GLYCTK: variants seen among roughly 807,000 people sequenced by gnomAD.
The protein encoded by GLYCTK is HBeAg binding protein 4.
Under a neutral mutation model 24.8 loss-of-function variants are expected in GLYCTK, and 22 were observed. The observed-to-expected ratio is 0.89, with a 90% confidence interval of 0.63 to 1.27. The LOEUF is 1.27. Among genes scored for constraint, GLYCTK ranks in the 50% most tolerant of loss-of-function variants. The pLI is 0.00. For synonymous variants in GLYCTK, 320 were observed against 297.2 expected, an observed-to-expected ratio of 1.08 and a Z score of -0.79; for missense variants, 684 against 686.7, an observed-to-expected ratio of 1.00 and a Z score of 0.04.
chr3:52,290,629 C>T lies in GLYCTK; in HGVS notation c.287C>T (p.Ala96Val), dbSNP rs771236936. 2.5e-6 allele frequency: 4 copies of T among 1,613,480 alleles called. No individual in the cohort carries two copies. Among genetic ancestry groups the T allele is most frequent in the Middle Eastern group, 1.6e-4 (1 of 6,084 alleles). Residue 96 changes from alanine (A) to valine (V), a missense_variant, in exon 2 of 5, where the codon GCA becomes GTA. By Grantham distance (64) the Ala-to-Val change is moderately conservative. Coordinates refer to ENST00000436784, the MANE Select transcript of GLYCTK (RefSeq NM_145262.4). The part of the protein sequence containing the change: ...FGKAVLGMAA[A>V]AEELLGQHLV... ...AAGGCTGTGCTGGGTATGGCAGCTG[C>T]AGCTGAGGAACTACTGGGCCAGCAT...
intron 2 of GLYCTK, 65 bp from the exon 3 acceptor site, chr3:52,290,895 T>A: frequency 3.7e-6 from 6 of 1,604,568 alleles, no homozygotes; most frequent in Non-Finnish European, 5.1e-6. Context: ...CCTGTAAAGT[T>A]GAGAGATCAG....
In GLYCTK at chr3:52,292,742, A is replaced by G; in HGVS notation, c.1188A>G (p.Ala396=). Residue 396 remains alanine, a synonymous_variant, in exon 5 of 5, where the codon GCA becomes GCG. Coordinates refer to ENST00000436784, the MANE Select transcript of GLYCTK (RefSeq NM_145262.4). The stretch of plus-strand genomic sequence containing the variant: ...TGGAGGAGGCTCTGGAGACCATGGC[A>G]TGGGGAAGGGGCCCAGTCTGCCTGC... ...LQLEEALETM[A]WGRGPVCLLA... is the part of the protein sequence containing the mutation. 1 of 1,608,646 alleles carries G rather than the reference A, an allele frequency of 6.2e-7. No homozygotes were observed. Among genetic ancestry groups the G allele is most frequent in the South Asian group, 1.1e-5 (1 of 90,740 alleles).
chr3:52,293,225 C>A lies in GLYCTK; in HGVS notation c.*99C>A. On this transcript the variant is annotated 3_prime_UTR_variant, in exon 5 of 5. Coordinates refer to ENST00000436784, the MANE Select transcript of GLYCTK (RefSeq NM_145262.4). ...CTCAGGGCCTCTCTAAGCCTTAGGGCCCCTCCTCTCCTTGGCCTTGGCTGT... is the reference window on the plus strand; with the variant it reads ...CTCAGGGCCTCTCTAAGCCTTAGGGACCCTCCTCTCCTTGGCCTTGGCTGT... The A allele has an allele frequency of 8.2e-7, 1 of 1,220,890 alleles. No individual in the cohort carries two copies. The highest frequency in any genetic ancestry group is 1.2e-6 in the Non-Finnish European group (1 of 845,034). 75.6% of individuals were successfully genotyped at this position (1,220,890 alleles called of 1,614,324 possible).
In GLYCTK at chr3:52,292,325, C is replaced by T. The variant is rs746811143; in HGVS notation, c.771C>T (p.Thr257=). 16 of 1,613,814 alleles carry T rather than the reference C, an allele frequency of 9.9e-6. No individual in the cohort carries two copies. Among genetic ancestry groups the T allele is most frequent in the South Asian group, 2.2e-5 (2 of 91,080 alleles). The part of the protein sequence containing the change: ...DPVEVIASGP[T]VASSHNVQDC... ...TGGAGGTGATTGCCAGTGGCCCCAC[C>T]GTGGCCAGTTCCCACAATGTGCAAG... The change falls in exon 5 of 5, where the codon ACC becomes ACT. Residue 257 remains threonine (T), a synonymous_variant. Transcript: ENST00000436784.
In GLYCTK at chr3:52,291,059, G is replaced by T; in HGVS notation, c.477G>T (p.Gln159His). 6.2e-7 allele frequency: 1 copy of T among 1,613,418 alleles called. No individual in the cohort carries two copies. The highest frequency in any genetic ancestry group is 8.5e-7 in the Non-Finnish European group (1 of 1,180,028). ...RDALRAALAI[Q>H]QLAEGLTADD... ...CGCTGCGGGCTGCACTGGCCATCCA[G>T]CAACTGGCTGAGGGACTCACAGCTG... Residue 159 changes from glutamine to histidine, a missense_variant, in exon 3 of 5, where the codon CAG becomes CAT. Physicochemically the swap from Gln to His is conservative, Grantham distance 24. Transcript: ENST00000436784.
intron 4 of GLYCTK, 122 bp downstream of exon 4, chr3:52,292,044 C>A: frequency 1.7e-6 from 2 of 1,183,376 alleles, no homozygotes; most frequent in Non-Finnish European, 2.4e-6. Flanking sequence ...GACCATGGGG[C>A]CGGCTGGGTG....
chr3:52,291,346 T>C (rs915546640), intron 3 of GLYCTK: 1 of 604,198 alleles, frequency 1.7e-6, no homozygotes, highest in African/African-American at 1.9e-5. Flanking sequence ...AGAGGGTGCA[T>C]GGGGAGCACA....
chr3:52,293,067 A>G lies in GLYCTK; in HGVS notation c.1513A>G (p.Thr505Ala), dbSNP rs747943703. ...CCAGGGTGGGGCACACCTGCTGCAC[A>G]CAGGGATGACAGGTACCAATGTCAT... is the stretch of plus-strand genomic sequence containing the variant. ...CLQGGAHLLH[T>A]GMTGTNVMDT... Residue 505 changes from threonine (T) to alanine (A), a missense_variant, in exon 5 of 5, where the codon ACA (threonine) becomes GCA (alanine). By Grantham distance (58) the Thr-to-Ala change is moderately conservative. Transcript: ENST00000436784. The G allele has an allele frequency of 2.5e-6, 4 of 1,614,096 alleles. No individual in the cohort carries two copies. The Admixed American group carries it at 5.0e-5, about 20-fold the overall frequency.
intron 4 of GLYCTK, 123 bp downstream of exon 4, chr3:52,292,045 C>T (rs1296748485): frequency 9.4e-6 from 11 of 1,176,182 alleles, no homozygotes; most frequent in East Asian, 2.4e-5. Context: ...ACCATGGGGC[C>T]GGCTGGGTGA....
Position 52,294,506 on chromosome 3 carries a change from G to C in GLYCTK, c.*1380G>C. On this transcript the variant is annotated 3_prime_UTR_variant, in exon 5 of 5. Coordinates refer to ENST00000436784, the MANE Select transcript of GLYCTK (RefSeq NM_145262.4). The stretch of plus-strand genomic sequence containing the variant: ...ACACAGGGCAGGCTGGAGATTGGGA[G>C]GGAGGTAAACGTGGTAAGCGGGCTC... 1 of 387,322 alleles carries C rather than the reference G, an allele frequency of 2.6e-6. No homozygotes were observed. The highest frequency in any genetic ancestry group is 5.1e-6 in the Non-Finnish European group (1 of 195,084). The allele number at this position is 387,322 out of a possible 1,614,324, so 24.0% of individuals were successfully genotyped here. A position where few individuals can be genotyped will look rare whatever the true frequency, so the allele number is the denominator to read the frequency against.
intron 4 of GLYCTK, 57 bp from the exon 5 acceptor site, chr3:52,292,203 T>G: frequency 6.2e-7 from 1 of 1,608,918 alleles, no homozygotes; most frequent in Non-Finnish European, 8.5e-7. Flanking sequence ...TTTGTCCTTA[T>G]GGGCTCTGAG....
In GLYCTK at chr3:52,292,503, G is replaced by A. The variant is rs1295460519; in HGVS notation, c.949G>A (p.Ala317Thr). The A allele has an allele frequency of 1.2e-6, 2 of 1,613,690 alleles. No homozygotes were observed. Among genetic ancestry groups the A allele is most frequent in the African/African-American group, 1.3e-5 (1 of 75,072 alleles). Residue 317 changes from alanine (A) to threonine (T), a missense_variant, in exon 5 of 5, where the codon GCT (alanine) becomes ACT (threonine). Physicochemically the swap from Ala to Thr is moderately conservative, Grantham distance 58 (BLOSUM62 0). Coordinates refer to ENST00000436784, the MANE Select transcript of GLYCTK (RefSeq NM_145262.4). ...VIIGSNVLAL[A>T]EAQRQAEALG... Reference sequence around the variant, plus strand: ...CATTGGCTCTAATGTGCTGGCGCTAGCTGAGGCCCAGCGGCAGGCCGAGGC... The same window carrying A: ...CATTGGCTCTAATGTGCTGGCGCTAACTGAGGCCCAGCGGCAGGCCGAGGC...
Position 52,294,868 on chromosome 3 carries a change from G to A in GLYCTK, c.*1742G>A, listed in dbSNP as rs1700591108. 2.2e-6 allele frequency: 1 copy of A among 454,110 alleles called. No individual in the cohort carries two copies. Among genetic ancestry groups the A allele is most frequent in the South Asian group, 1.6e-5 (1 of 64,476 alleles). The allele number at this position is 454,110 out of a possible 1,614,324, so 28.1% of individuals were successfully genotyped here. On this transcript the variant is annotated 3_prime_UTR_variant, in exon 5 of 5. Coordinates refer to ENST00000436784, the MANE Select transcript of GLYCTK (RefSeq NM_145262.4). ...GTGTGTGTGTGGGTGGTAGGTGTGTGAGTATACAGACGTTGGTGTTGGCGT... is the reference window on the plus strand; with the variant it reads ...GTGTGTGTGTGGGTGGTAGGTGTGTAAGTATACAGACGTTGGTGTTGGCGT...
chr3:52,292,597 A>G lies in GLYCTK; in HGVS notation c.1043A>G (p.Tyr348Cys). ...GATGTAAAAAGTATGGCCCAGTTCT[A>G]CGGGCTGCTGGCCCATGTGGCTAGA... is the stretch of plus-strand genomic sequence containing the variant. ...QGDVKSMAQF[Y>C]GLLAHVARTR... Residue 348 changes from tyrosine (Y) to cysteine (C), a missense_variant, in exon 5 of 5, where the codon TAC becomes TGC. By Grantham distance (194) the Tyr-to-Cys change is radical. Coordinates refer to ENST00000436784, the MANE Select transcript of GLYCTK (RefSeq NM_145262.4). The G allele has an allele frequency of 6.2e-7, 1 of 1,613,768 alleles. No homozygotes were observed.
Position 52,291,094 on chromosome 3 carries a change from T to A in GLYCTK, c.512T>A (p.Leu171Gln), listed in dbSNP as rs750631413. 2 of 1,611,602 alleles carry A rather than the reference T, an allele frequency of 1.2e-6. No homozygotes were observed. The highest frequency in any genetic ancestry group is 2.2e-5 in the South Asian group (2 of 91,090). Residue 171 changes from leucine (L) to glutamine (Q), a missense_variant, in exon 3 of 5, where the codon CTG (leucine) becomes CAG (glutamine). Transcript: ENST00000436784. ...LAEGLTADDL[L>Q]LVLISGGGSA... ...GAGGGACTCACAGCTGATGACCTGC[T>A]GCTCGTGCTGATCTCAGGTGTGGTA...
Position 52,290,503 on chromosome 3 carries a change from T to G in GLYCTK, c.161T>G (p.Met54Arg), listed in dbSNP as rs749342597. The stretch of plus-strand genomic sequence containing the variant: ...GTAGGTGCAGTGCTGCCGGGCCCCA[T>G]GCTGCACCGGGCACTATCCTTGGAC... ...SAVGAVLPGP[M>R]LHRALSLDPG... The change falls in exon 2 of 5, where the codon ATG (methionine) becomes AGG (arginine). Residue 54 changes from methionine (M) to arginine (R), a missense_variant. By Grantham distance (91) the Met-to-Arg change is moderately conservative (BLOSUM62 -1). Transcript: ENST00000436784. 6.2e-7 allele frequency: 1 copy of G among 1,613,458 alleles called. No homozygotes were observed. Among genetic ancestry groups the G allele is most frequent in the South Asian group, 1.1e-5 (1 of 91,082 alleles).
Position 52,295,005 on chromosome 3 carries a change from T to G in GLYCTK, c.*1879T>G, listed in dbSNP as rs570863340. On this transcript the variant is annotated 3_prime_UTR_variant, in exon 5 of 5. Transcript: ENST00000436784. ...GGTATGGATAGGATCTTGCAGGAGG[T>G]TCCCCCTGCTCTACATTGACCCCTT... The G allele has an allele frequency of 4.4e-6, 2 of 453,848 alleles. No individual in the cohort carries two copies. Among genetic ancestry groups the G allele is most frequent in the African/African-American group, 4.0e-5 (2 of 49,964 alleles). The allele number at this position is 453,848 out of a possible 1,614,324, so 28.1% of individuals were successfully genotyped here.
At position 52,292,887 on chromosome 3, in the gene GLYCTK, C is replaced by G; in HGVS notation, c.1333C>G (p.Leu445Val). 9 of 1,614,066 alleles carry G rather than the reference C, an allele frequency of 5.6e-6. No individual in the cohort carries two copies. Among genetic ancestry groups the G allele is most frequent in the Non-Finnish European group, 7.6e-6 (9 of 1,180,018 alleles). The change falls in exon 5 of 5, where the codon CTG becomes GTG. Residue 445 changes from leucine (L) to valine (V), a missense_variant. Leu to Val is a conservative substitution (Grantham distance 32). Coordinates refer to ENST00000436784, the MANE Select transcript of GLYCTK (RefSeq NM_145262.4). ...GTGGCCGCTGGGGCCGATAGATGTG[C>G]TGTTTTTGAGCGGTGGCACCGATGG... is the stretch of plus-strand genomic sequence containing the variant. ...RRWPLGPIDV[L>V]FLSGGTDGQD... is the part of the protein sequence containing the mutation.
Position 52,292,914 on chromosome 3 carries a change from C to T in GLYCTK, c.1360C>T (p.Gln454Ter). 6.2e-7 allele frequency: 1 copy of T among 1,614,040 alleles called. No homozygotes were observed. Among genetic ancestry groups the T allele is most frequent in the South Asian group, 1.1e-5 (1 of 91,086 alleles). The change falls in exon 5 of 5, where the codon CAG becomes TAG. Residue 454 changes from glutamine (Q) to a stop codon, truncating the protein, a stop_gained. Coordinates refer to ENST00000436784, the MANE Select transcript of GLYCTK (RefSeq NM_145262.4). LOFTEE classifies it high-confidence loss of function. ...VLFLSGGTDG[Q>*]DGPTEAAGAW... is the part of the protein sequence containing the mutation. ...GTTTTTGAGCGGTGGCACCGATGGG[C>T]AGGATGGGCCCACAGAGGCTGCTGG... is the stretch of plus-strand genomic sequence containing the variant.
Sources: gnomAD v4.1 joint callset for allele counts on GRCh38, gnomAD v4.1.1 for gene constraint, MANE v1.5 for transcripts, NCBI Gene and HGNC (gene_info 2026-07-23, HGNC 2026-07-21) for gene names.